The following FERRY3 variants were observed in gnomAD, a reference collection of about 807,000 sequenced individuals.
FERRY3 encodes FERRY endosomal RAB5 effector complex subunit 3.
the FERRY3 span, among the ~76,000 whole-genome samples, chr12:4,495,852 A>G: frequency 9.8e-3 from 1,498 of 152,354 alleles, 25 homozygotes; most frequent in African/African-American, 0.034. Flanking sequence ...GTATGAATTA[A>G]TGACAAAATT....
chr12:4,497,578 GC>G, the FERRY3 span, among the ~76,000 whole-genome samples: 2 of 152,072 alleles, frequency 1.3e-5, no homozygotes, highest in African/African-American at 4.8e-5. Context: ...AATTTGGTAA[GC>G]CCCAAATTAT....
chr12:4,525,420 C>G, the FERRY3 span: 1 of 1,597,444 alleles, frequency 6.3e-7, no homozygotes, highest in Admixed American at 1.8e-5. Context: ...TTAACAAAAA[C>G]AAACAAACAA....
the FERRY3 span, among the ~76,000 whole-genome samples, chr12:4,495,108 A>G: frequency 6.6e-5 from 10 of 152,182 alleles, no homozygotes; most frequent in East Asian, 1.9e-4. Flanking sequence ...TCTGTGTTTT[A>G]TAATTCCAGT....
At chr12:4,497,999 T>C in the FERRY3 span, among the ~76,000 whole-genome samples, 1 of 152,124 alleles carries the variant, frequency 6.6e-6, no homozygotes, top group Admixed American at 6.5e-5. Context: ...CTTCTTGACC[T>C]GAATGGATGT....
At chr12:4,503,251 A>T in the FERRY3 span, among the ~76,000 whole-genome samples, 1 of 152,208 alleles carries the variant, frequency 6.6e-6, no homozygotes, top group Non-Finnish European at 1.5e-5. Flanking sequence ...AATCAAATTA[A>T]TATGATATAG....
chr12:4,529,777 C>T, the FERRY3 span: 3 of 1,110,406 alleles, frequency 2.7e-6, no homozygotes, highest in African/African-American at 1.6e-5. Context: ...TCTATCTTAT[C>T]CTTTTTGTAA....
chr12:4,529,886 C>T, the FERRY3 span: 1 of 1,574,830 alleles, frequency 6.3e-7, no homozygotes, highest in Non-Finnish European at 8.6e-7. Flanking sequence ...GTAATTTTTT[C>T]AGCTCCACAT....
chr12:4,529,758 G>GTT, the FERRY3 span: 4 of 904,914 alleles, frequency 4.4e-6, no homozygotes, highest in Non-Finnish European at 6.4e-6. Context: ...TAATATTGAA[G>GTT]TTTTTTTTTC....
chr12:4,526,139 C>A, the FERRY3 span, among the ~76,000 whole-genome samples: 4 of 151,914 alleles, frequency 2.6e-5, no homozygotes, highest in Non-Finnish European at 1.5e-5. Context: ...AAATAATGTG[C>A]AAAAATTAAA....
chr12:4,491,753 C>T, the FERRY3 span, among the ~76,000 whole-genome samples: 3,387 of 152,286 alleles, frequency 0.022, 134 homozygotes, highest in African/African-American at 0.076. Flanking sequence ...AACCAAAACA[C>T]TGATAATCTT....
the FERRY3 span, among the ~76,000 whole-genome samples, chr12:4,521,001 T>C: frequency 6.6e-6 from 1 of 152,108 alleles, no homozygotes; most frequent in Non-Finnish European, 1.5e-5. Flanking sequence ...TTTCTGGACA[T>C]AAATACTATT....
chr12:4,498,322 T>C, the FERRY3 span, among the ~76,000 whole-genome samples: 1 of 152,214 alleles, frequency 6.6e-6, no homozygotes, highest in Admixed American at 6.5e-5. Flanking sequence ...ATCATAAACT[T>C]TGTTACTCCC....
chr12:4,528,350 A>G, the FERRY3 span, among the ~76,000 whole-genome samples: 1 of 152,158 alleles, frequency 6.6e-6, no homozygotes, highest in Non-Finnish European at 1.5e-5. Flanking sequence ...ACCTAATTCT[A>G]TATTTTGTTC....
the FERRY3 span, among the ~76,000 whole-genome samples, chr12:4,494,547 G>A: frequency 6.6e-6 from 1 of 152,066 alleles, no homozygotes; most frequent in Non-Finnish European, 1.5e-5. Context: ...TTTTCTATAC[G>A]AATACCCAGT....
chr12:4,497,478 T>C, the FERRY3 span, among the ~76,000 whole-genome samples: 1 of 152,234 alleles, frequency 6.6e-6, no homozygotes, highest in Non-Finnish European at 1.5e-5. Context: ...TACCTATGTG[T>C]ACCTTTCTAT....
chr12:4,505,428 A>G, the FERRY3 span: 7 of 1,279,480 alleles, frequency 5.5e-6, no homozygotes, highest in East Asian at 1.6e-4. Context: ...ACATATGAGA[A>G]TATGTTACTA....
At chr12:4,534,851 T>TA in the FERRY3 span, among the ~76,000 whole-genome samples, 1 of 152,228 alleles carries the variant, frequency 6.6e-6, no homozygotes, top group Non-Finnish European at 1.5e-5. Flanking sequence ...TCTTAACTCT[T>TA]ACGTATTCCC....
chr12:4,515,419 T>G, the FERRY3 span, among the ~76,000 whole-genome samples: 1 of 152,198 alleles, frequency 6.6e-6, no homozygotes, highest in Non-Finnish European at 1.5e-5. Flanking sequence ...CACACCTAAA[T>G]GTACACACAT....
At chr12:4,523,821 AG>A in the FERRY3 span, among the ~76,000 whole-genome samples, 2 of 152,018 alleles carry the variant, frequency 1.3e-5, no homozygotes, top group Non-Finnish European at 2.9e-5. Flanking sequence ...GGGTTGGGGG[AG>A]GGGGAAGGGA....
Sources: allele counts gnomAD v4.1 joint callset (sites outside exome capture counted in the v4.1 genomes callset), GRCh38; gene constraint gnomAD v4.1.1; transcripts MANE v1.5; gene names NCBI Gene and HGNC (gene_info 2026-07-23, HGNC 2026-07-21).